SCAPER: variants seen among roughly 807,000 people sequenced by gnomAD.
SCAPER encodes S-phase cyclin A associated protein in the ER, also known as S phase cyclin A-associated protein in the endoplasmic reticulum.
Under a neutral mutation model 182.2 loss-of-function variants are expected in SCAPER, and 98 were observed. That is an observed-to-expected ratio of 0.54 (90% CI 0.46 to 0.64). The LOEUF (loss-of-function observed/expected upper bound fraction) is 0.64. Among genes scored for constraint, SCAPER ranks in the 30% least tolerant of loss-of-function variants. The pLI is 0.00. For synonymous variants in SCAPER, 605 were observed against 564.6 expected, an observed-to-expected ratio of 1.07 and a Z score of -1.01; for missense variants, 1,432 against 1,690.0, an observed-to-expected ratio of 0.85 and a Z score of 2.68.
At chr15:76,761,029 G>GT (rs2062751886) in intron 14 of SCAPER, among the ~76,000 whole-genome samples, 2 of 152,044 alleles carry the variant, frequency 1.3e-5, no homozygotes, top group Non-Finnish European at 2.9e-5. Context: ...TTCAATCTCT[G>GT]TATTTGTTAT....
chr15:76,519,777 T>A (rs541670471), intron 23 of SCAPER, among the ~76,000 whole-genome samples: 1 of 152,194 alleles, frequency 6.6e-6, no homozygotes, highest in Non-Finnish European at 1.5e-5. Flanking sequence ...TTAGTGATGA[T>A]CATCTTTGAA....
chr15:76,574,310 A>G (rs747216610), intron 22 of SCAPER, 26 bp from the exon 23 acceptor site: 2 of 1,604,648 alleles, frequency 1.2e-6, no homozygotes, highest in East Asian at 4.5e-5. Flanking sequence ...AAAGGAAAGA[A>G]TGACATTAAT....
chr15:76,381,218 C>T (rs2042922561), intron 28 of SCAPER, 160 bp downstream of exon 28: 1 of 391,768 alleles, frequency 2.6e-6, no homozygotes, highest in Non-Finnish European at 4.3e-6. Flanking sequence ...TAATACAGTT[C>T]CCAGAAAATA....
At chr15:76,835,534 A>T (rs2068853369) in intron 5 of SCAPER, among the ~76,000 whole-genome samples, 1 of 152,138 alleles carries the variant, frequency 6.6e-6, no homozygotes, top group East Asian at 1.9e-4. Context: ...AGGTATAAAG[A>T]TAACATAACT....
At position 76,826,634 on chromosome 15, in the gene SCAPER, AAGG is replaced by A. The variant is rs543812092; in HGVS notation, c.393+15097_393+15099del. Among the ~76,000 whole-genome samples the A allele has an allele frequency of 8.6e-4, 131 of 152,216 alleles. 1 individual carries two copies. The highest frequency in any genetic ancestry group is 3.4e-3 in the Middle Eastern group (1 of 294). The stretch of plus-strand genomic sequence containing the variant: ...AAATAACCCAAGTCGACATCCATAG[AAGG>A]AGGAGCATGGATGTTCCCTCCTAAA... On this transcript the variant is annotated intron_variant, in intron 5 of 31. Coordinates refer to ENST00000563290, the MANE Select transcript of SCAPER (RefSeq NM_020843.4).
At position 76,857,797 on chromosome 15, in the gene SCAPER, T is replaced by C. The variant is rs1204962798; in HGVS notation, c.195+12A>G. On this transcript the variant is annotated intron_variant, in intron 4 of 31. Coordinates refer to ENST00000563290, the MANE Select transcript of SCAPER (RefSeq NM_020843.4). ...TAAAAGTAAATAAGTAAAAAAGTTA[T>C]AGATGCTGTACCTGTTTAGTAGTTT... 1 of 1,478,540 alleles carries C rather than the reference T, an allele frequency of 6.8e-7. No individual in the cohort carries two copies. The highest frequency in any genetic ancestry group is 9.1e-7 in the Non-Finnish European group (1 of 1,102,230). The allele number at this position is 1,478,540 out of a possible 1,614,324, so 91.6% of individuals were successfully genotyped here. A position where few individuals can be genotyped will look rare whatever the true frequency, so the allele number is the denominator to read the frequency against.
intron 24 of SCAPER, among the ~76,000 whole-genome samples, chr15:76,490,113 G>T (rs2052139598): frequency 6.6e-6 from 1 of 152,108 alleles, no homozygotes; most frequent in South Asian, 2.1e-4. Flanking sequence ...ATACAGAAGT[G>T]GTAATATCTC....
rs1359719274 is a variant in SCAPER at position 76,574,275 on chromosome 15, T to G, written c.2721A>C (p.Arg907=). The G allele has an allele frequency of 1.2e-6, 2 of 1,611,154 alleles. No individual in the cohort carries two copies. Among genetic ancestry groups the G allele is most frequent in the Admixed American group, 3.3e-5 (2 of 59,714 alleles). Residue 907 remains arginine, a synonymous_variant, in exon 23 of 32, where the codon CGA becomes CGC. Transcript: ENST00000563290. ...CTTGTTTTAGAAGATCTTTGGCTAA[T>G]CGCTGAAGCCTTTAATACCAAATGA... The part of the protein sequence containing the change: ...SDSPYKAKLQ[R]LAKDLLKQVQ...
chr15:76,509,670 T>C (rs1399474912), intron 23 of SCAPER, among the ~76,000 whole-genome samples: 2 of 152,134 alleles, frequency 1.3e-5, no homozygotes, highest in East Asian at 3.9e-4. Flanking sequence ...AAAAATTCAA[T>C]GCTATTCCCA....
At chr15:76,788,677 C>T (rs1229480090) in intron 8 of SCAPER, among the ~76,000 whole-genome samples, 4 of 152,010 alleles carry the variant, frequency 2.6e-5, no homozygotes, top group African/African-American at 7.2e-5. Flanking sequence ...TTCATAGATA[C>T]GGACTTTGAA....
intron 22 of SCAPER, among the ~76,000 whole-genome samples, chr15:76,615,613 G>A (rs2051403614): frequency 6.6e-6 from 1 of 151,640 alleles, no homozygotes; most frequent in Non-Finnish European, 1.5e-5. Context: ...GAGGTCAGGA[G>A]ATTGAGACCA....
intron 17 of SCAPER, among the ~76,000 whole-genome samples, chr15:76,708,586 A>G (rs769057869): frequency 6.6e-5 from 10 of 152,128 alleles, no homozygotes; most frequent in Non-Finnish European, 1.3e-4. Flanking sequence ...AGCTAATCAA[A>G]CCCAAAGTAA....
At chr15:76,619,529 C>T (rs2051822161) in intron 22 of SCAPER, among the ~76,000 whole-genome samples, 1 of 152,036 alleles carries the variant, frequency 6.6e-6, no homozygotes, top group South Asian at 2.1e-4. Flanking sequence ...ATTTTATATT[C>T]CCATCTTTTA....
chr15:76,828,289 C>T (rs2068173784), intron 5 of SCAPER, among the ~76,000 whole-genome samples: 1 of 151,392 alleles, frequency 6.6e-6, no homozygotes, highest in African/African-American at 2.4e-5. Context: ...CAATAGAAAA[C>T]AGACTGAGAC....
chr15:76,464,873 T>G (rs2049476244), intron 25 of SCAPER, among the ~76,000 whole-genome samples: 1 of 152,146 alleles, frequency 6.6e-6, no homozygotes, highest in Non-Finnish European at 1.5e-5. Context: ...ATTTCCAATT[T>G]CACCACACTC....
chr15:76,560,574 T>C (rs1178329232), intron 23 of SCAPER, among the ~76,000 whole-genome samples: 1 of 152,194 alleles, frequency 6.6e-6, no homozygotes, highest in Non-Finnish European at 1.5e-5. Flanking sequence ...TCCATGCTTT[T>C]AACACTGCTC....
At position 76,375,953 on chromosome 15, in the gene SCAPER, C is replaced by G. The variant is rs138093743; in HGVS notation, c.3855+209G>C. Among the ~76,000 whole-genome samples, 8 of 152,268 alleles carry G rather than the reference C, an allele frequency of 5.3e-5. No individual in the cohort carries two copies. In the East Asian group the frequency reaches 1.5e-3, roughly 29 times the overall value. On this transcript the variant is annotated intron_variant, in intron 29 of 31. Transcript: ENST00000563290. ...TGAGCCGAGATTGCACCACTGCATT[C>G]CAGCCTGGGTGATAGAGCGAGCCTC...
intron 22 of SCAPER, among the ~76,000 whole-genome samples, chr15:76,596,988 G>A (rs1291690946): frequency 5.8e-5 from 7 of 121,400 alleles, no homozygotes; most frequent in African/African-American, 1.8e-4. Context: ...GAAATAAAGA[G>A]TATTCAAATA....
At chr15:76,647,730 C>T (rs1261981696) in intron 21 of SCAPER, among the ~76,000 whole-genome samples, 1 of 152,166 alleles carries the variant, frequency 6.6e-6, no homozygotes. Flanking sequence ...GAACTGTAAG[C>T]TGAACAAGAA....
Sources: gnomAD v4.1 joint callset for allele counts (sites outside exome capture counted in the v4.1 genomes callset) on GRCh38, gnomAD v4.1.1 for gene constraint, MANE v1.5 for transcripts, NCBI Gene and HGNC (gene_info 2026-07-23, HGNC 2026-07-21) for gene names.